PCBP3: variants seen among roughly 807,000 people sequenced by gnomAD.
The protein encoded by PCBP3 is poly(rC)-binding protein 3.
In PCBP3, 25 loss-of-function variants were observed where a neutral mutation model predicts 52.7. The ratio of observed to expected loss-of-function variants is 0.47; its 90% CI spans 0.35 to 0.66. The LOEUF (loss-of-function observed/expected upper bound fraction) is 0.66. Among genes scored for constraint, PCBP3 ranks in the 30% least tolerant of loss-of-function variants. The pLI is 0.01. For synonymous variants in PCBP3, 162 were observed against 183.0 expected (o/e 0.89, Z 0.93); for missense variants, 391 against 490.3 (o/e 0.80, Z 1.91).
chr21:45,702,584 C>G (rs1205300600), intron 2 of PCBP3, among the ~76,000 whole-genome samples: 1 of 152,174 alleles, frequency 6.6e-6, no homozygotes, highest in Non-Finnish European at 1.5e-5. Flanking sequence ...TTTAAAAATA[C>G]TTTATTGCTA....
Position 45,771,582 on chromosome 21 carries a change from G to A in PCBP3, c.-126+16130G>A, listed in dbSNP as rs374411064. Among the ~76,000 whole-genome samples, 157 of 152,268 alleles carry A rather than the reference G, an allele frequency of 1.0e-3. 5 individuals carry two copies. In the South Asian group the frequency reaches 0.031, roughly 30 times the overall value. On this transcript the variant is annotated intron_variant, in intron 4 of 17. Transcript: ENST00000681687. ...TGCAACACTCCTTTCAGATACAAAC[G>A]TTCAAGAAACTGACAATAGAAGGAA...
rs1001780644 is a variant in PCBP3, at chr21:45,656,047, A to G, written c.-279+12179A>G. ...GGAAAGCTTTTACACTTTTGGTGGG[A>G]GTATAAATTAGTTCAACCATTGTGG... On this transcript the variant is annotated intron_variant, in intron 1 of 17. Coordinates refer to ENST00000681687, the MANE Select transcript of PCBP3 (RefSeq NM_001384156.1). The surrounding 1 kb of genome is among the most constrained non-coding windows in gnomAD (Gnocchi z 4.3). 6.6e-6 allele frequency among the ~76,000 whole-genome samples: 1 copy of G among 152,210 alleles called. No homozygotes were observed. Among genetic ancestry groups the G allele is most frequent in the Non-Finnish European group, 1.5e-5 (1 of 68,042 alleles).
rs546830806 is a variant in PCBP3 at position 45,793,245 on chromosome 21, G to A, written c.-126+37793G>A. ...TCAAAGTGGCACAGCCAGGAAAGCA[G>A]GACTCACAGAATGGGCAGCATGAAG... On this transcript the variant is annotated intron_variant, in intron 4 of 17. Transcript: ENST00000681687. 2.6e-5 allele frequency among the ~76,000 whole-genome samples: 4 copies of A among 152,276 alleles called. No individual in the cohort carries two copies. In the East Asian group the frequency reaches 7.7e-4, roughly 29 times the overall value.
chr21:45,769,157 T>G (rs2089638564), intron 4 of PCBP3, among the ~76,000 whole-genome samples: 2 of 152,208 alleles, frequency 1.3e-5, no homozygotes, highest in Non-Finnish European at 2.9e-5. Flanking sequence ...TTGCATTCAC[T>G]GGGCATTGGC....
At chr21:45,863,650 C>G (rs1287281498) in intron 5 of PCBP3, among the ~76,000 whole-genome samples, 1 of 152,256 alleles carries the variant, frequency 6.6e-6, no homozygotes, top group Non-Finnish European at 1.5e-5. Flanking sequence ...CACCACTCTC[C>G]TTTTTCTCCG....
chr21:45,657,759 A>G (rs1302301731), intron 1 of PCBP3, among the ~76,000 whole-genome samples: 3 of 152,028 alleles, frequency 2.0e-5, no homozygotes, highest in African/African-American at 7.2e-5. Flanking sequence ...TAACAATATT[A>G]AGTTTTCCAA....
At chr21:45,743,623 A>G (rs912506833) in intron 3 of PCBP3, among the ~76,000 whole-genome samples, 5 of 152,178 alleles carry the variant, frequency 3.3e-5, no homozygotes, top group African/African-American at 1.2e-4. Context: ...ATAAGGGTTA[A>G]TAATAGGGTT....
At chr21:45,650,005 C>T (rs2079572967) in intron 1 of PCBP3, among the ~76,000 whole-genome samples, 1 of 151,780 alleles carries the variant, frequency 6.6e-6, no homozygotes, top group Non-Finnish European at 1.5e-5. Context: ...TCATTGATTT[C>T]CTGGGAGAAA....
chr21:45,861,212 C>T (rs1032823985), intron 5 of PCBP3, among the ~76,000 whole-genome samples: 4 of 152,232 alleles, frequency 2.6e-5, no homozygotes, highest in African/African-American at 7.2e-5. Flanking sequence ...TTCTCCCCAC[C>T]GCACACAGCA....
rs2092357838 is a variant in PCBP3 at position 45,802,859 on chromosome 21, T to C, written c.-125-47102T>C. Among the ~76,000 whole-genome samples the C allele has an allele frequency of 6.6e-6, 1 of 152,184 alleles. No individual in the cohort carries two copies. Among genetic ancestry groups the C allele is most frequent in the South Asian group, 2.1e-4 (1 of 4,828 alleles). The stretch of plus-strand genomic sequence containing the variant: ...CACACAGGCCACGGAGGGAAAAGCT[T>C]TTAACCCTTGTCGTGTATAAACGAC... On this transcript the variant is annotated intron_variant, in intron 4 of 17. Coordinates refer to ENST00000681687, the MANE Select transcript of PCBP3 (RefSeq NM_001384156.1). The surrounding 1 kb of genome is among the most constrained non-coding windows in gnomAD (Gnocchi z 5.1).
intron 3 of PCBP3, chr21:45,750,018 TC>T (rs2087277930): frequency 6.6e-6 from 1 of 152,222 alleles, no homozygotes; most frequent in African/African-American, 2.4e-5. Flanking sequence ...AGTAGATGTT[TC>T]CCCCTTTGGG....
At chr21:45,779,282 G>A (rs76632224) in intron 4 of PCBP3, among the ~76,000 whole-genome samples, 15 of 152,254 alleles carry the variant, frequency 9.9e-5, no homozygotes, top group African/African-American at 3.1e-4. Context: ...TTATTTTCAG[G>A]GCTGGTGAGG....
At position 45,821,980 on chromosome 21, in the gene PCBP3, A is replaced by AC. The variant is rs2093153816; in HGVS notation, c.-125-27977dup. On this transcript the variant is annotated intron_variant, in intron 4 of 17. Transcript: ENST00000681687. The surrounding 1 kb of genome is among the most constrained non-coding windows in gnomAD (Gnocchi z 4.4). ...TCCTGACAACTTAGCTATTTATCAG[A>AC]CCCCAAAATCATGAGCCTTGAGAAA... 6.6e-6 allele frequency among the ~76,000 whole-genome samples: 1 copy of AC among 152,080 alleles called. No homozygotes were observed. Among genetic ancestry groups the AC allele is most frequent in the Non-Finnish European group, 1.5e-5 (1 of 67,996 alleles).
At chr21:45,940,340 G>T (rs1457058956) in intron 17 of PCBP3, 141 bp downstream of exon 17, 3 of 709,522 alleles carry the variant, frequency 4.2e-6, no homozygotes, top group Non-Finnish European at 6.8e-6. Context: ...TCTGCTCCAG[G>T]CTGGATGGTG....
intron 4 of PCBP3, among the ~76,000 whole-genome samples, chr21:45,778,064 A>C (rs2090380629): frequency 6.7e-6 from 1 of 148,924 alleles, no homozygotes; most frequent in South Asian, 2.1e-4. Context: ...CCTATTTTTG[A>C]ATTCACTTCA....
At chr21:45,681,910 A>G (rs1257454616) in intron 2 of PCBP3, among the ~76,000 whole-genome samples, 2 of 152,172 alleles carry the variant, frequency 1.3e-5, no homozygotes, top group Admixed American at 1.3e-4. Context: ...CAATTTTTAT[A>G]TCCAATTATT....
At chr21:45,686,254 G>C (rs1388171713) in intron 2 of PCBP3, among the ~76,000 whole-genome samples, 1 of 152,062 alleles carries the variant, frequency 6.6e-6, no homozygotes, top group African/African-American at 2.4e-5. Flanking sequence ...CAGAGGTTCG[G>C]GAGACAATTA....
intron 5 of PCBP3, chr21:45,893,825 C>T (rs2095750761): frequency 3.0e-6 from 3 of 985,432 alleles, no homozygotes; most frequent in Non-Finnish European, 3.6e-6. Flanking sequence ...TGAGAAACGG[C>T]CAGTCCCATG....
intron 2 of PCBP3, among the ~76,000 whole-genome samples, chr21:45,707,165 G>C (rs1375179281): frequency 6.6e-6 from 1 of 152,012 alleles, no homozygotes; most frequent in Non-Finnish European, 1.5e-5. Flanking sequence ...TTTGTCTCTG[G>C]GGATCTAGGT....
Sources: allele counts gnomAD v4.1 joint callset (sites outside exome capture counted in the v4.1 genomes callset), GRCh38; gene constraint gnomAD v4.1.1; non-coding constraint Gnocchi (gnomAD v3.1); transcripts MANE v1.5; gene names NCBI Gene and HGNC (gene_info 2026-07-23, HGNC 2026-07-21).